Variants in RNF150 observed in about 807,000 individuals in gnomAD.
RNF150 encodes the protein ring finger protein 150.
Under a neutral mutation model 39.3 loss-of-function variants are expected in RNF150, and 24 were observed. The ratio of observed to expected loss-of-function variants is 0.61; its 90% CI spans 0.44 to 0.86. The LOEUF is 0.86. RNF150 is among the 40% of genes least tolerant of loss of function. RNF150 has a pLI of 0.00. For missense variants in RNF150, 502 were observed against 587.8 expected, an observed-to-expected ratio of 0.85 and a Z score of 1.51; for synonymous variants, 255 against 227.3, an observed-to-expected ratio of 1.12 and a Z score of -1.10.
At chr4:141,129,201 A>G (rs1175145337) in intron 1 of RNF150, among the ~76,000 whole-genome samples, 3 of 152,270 alleles carry the variant, frequency 2.0e-5, no homozygotes, top group African/African-American at 7.2e-5. Context: ...TAAAAGGTAG[A>G]AACAACGTAA....
intron 5 of RNF150, among the ~76,000 whole-genome samples, chr4:140,924,023 A>G (rs1314094217): frequency 3.3e-5 from 5 of 152,194 alleles, no homozygotes; most frequent in Non-Finnish European, 5.9e-5. Context: ...CTAATGCTAA[A>G]TGATGAGTTA....
At chr4:140,931,908 T>C (rs1731652643) in intron 4 of RNF150, among the ~76,000 whole-genome samples, 1 of 152,244 alleles carries the variant, frequency 6.6e-6, no homozygotes, top group East Asian at 1.9e-4. Context: ...TCTTGTTTTC[T>C]GCTGTTCTTT....
intron 1 of RNF150, among the ~76,000 whole-genome samples, chr4:141,083,667 C>CA (rs956440693): frequency 6.9e-4 from 100 of 145,828 alleles, no homozygotes; most frequent in African/African-American, 1.2e-3. Context: ...TCCCCAAAGG[C>CA]AAAAAAAAAA....
intron 1 of RNF150, among the ~76,000 whole-genome samples, chr4:141,013,844 T>A (rs1486025422): frequency 1.3e-5 from 2 of 152,306 alleles, no homozygotes; most frequent in African/African-American, 4.8e-5. Flanking sequence ...TGGTGAAACA[T>A]CTGAAACTTA....
intron 1 of RNF150, among the ~76,000 whole-genome samples, chr4:141,051,586 C>T (rs892326127): frequency 1.3e-5 from 2 of 152,202 alleles, no homozygotes; most frequent in Non-Finnish European, 2.9e-5. Flanking sequence ...GCGCAAAATG[C>T]TGCCAGTCTC....
intron 5 of RNF150, among the ~76,000 whole-genome samples, chr4:140,917,388 T>C (rs1298191906): frequency 6.6e-6 from 1 of 152,036 alleles, no homozygotes; most frequent in African/African-American, 2.4e-5. Context: ...GGGGTTGCAA[T>C]CCTAGTCTCT....
intron 1 of RNF150, among the ~76,000 whole-genome samples, chr4:141,013,759 T>TA (rs2110757812): frequency 6.6e-6 from 1 of 152,352 alleles, no homozygotes; most frequent in East Asian, 1.9e-4. Context: ...GAAGTTCTGA[T>TA]AGATGGAGAC....
chr4:141,006,572 C>T (rs73860234), intron 1 of RNF150, among the ~76,000 whole-genome samples: 11,538 of 152,190 alleles, frequency 0.076, 490 homozygotes, highest in Middle Eastern at 0.16. Context: ...AAGCAATAGA[C>T]GCTTGTTTTG....
intron 6 of RNF150, among the ~76,000 whole-genome samples, chr4:140,901,539 A>G (rs1376699560): frequency 6.6e-6 from 1 of 152,220 alleles, no homozygotes; most frequent in Non-Finnish European, 1.5e-5. Flanking sequence ...ATTGCAATAC[A>G]TTCTCCTTTA....
At position 141,009,685 on chromosome 4, in the gene RNF150, A is replaced by G. The variant is rs1735002081; in HGVS notation, c.485-41812T>C. Among the ~76,000 whole-genome samples the G allele has an allele frequency of 3.3e-5, 5 of 152,280 alleles. No homozygotes were observed. In the South Asian group the frequency reaches 1.0e-3, roughly 32 times the overall value. On this transcript the variant is annotated intron_variant, in intron 1 of 6. Coordinates refer to ENST00000515673, the MANE Select transcript of RNF150 (RefSeq NM_020724.2). The stretch of plus-strand genomic sequence containing the variant: ...ACTTAATTCAAATTGCACCTATTCC[A>G]TGTCATTTTTTCCCAGATAAAGGGG...
chr4:141,180,278 G>A (rs544091230), intron 1 of RNF150, among the ~76,000 whole-genome samples: 5 of 152,194 alleles, frequency 3.3e-5, no homozygotes, highest in South Asian at 2.1e-4. Context: ...TTCAGATAGC[G>A]GAAGAAGCAA....
At chr4:141,030,808 G>A (rs1379603012) in intron 1 of RNF150, among the ~76,000 whole-genome samples, 1 of 152,016 alleles carries the variant, frequency 6.6e-6, no homozygotes, top group Admixed American at 6.6e-5. Flanking sequence ...GGATAGGGGA[G>A]AGGAGCAAAT....
At chr4:140,886,220 T>G (rs778328124) in intron 6 of RNF150, among the ~76,000 whole-genome samples, 3 of 149,828 alleles carry the variant, frequency 2.0e-5, no homozygotes, top group Non-Finnish European at 4.4e-5. Context: ...AAGAAAAGTA[T>G]GTACATCTAT....
intron 1 of RNF150, among the ~76,000 whole-genome samples, chr4:141,027,727 G>A (rs1220456960): frequency 6.6e-6 from 1 of 152,088 alleles, no homozygotes; most frequent in East Asian, 1.9e-4. Context: ...TAAGGAAGGG[G>A]AGGCCTATAT....
At chr4:140,983,145 A>G (rs1037850237) in intron 1 of RNF150, among the ~76,000 whole-genome samples, 7 of 152,152 alleles carry the variant, frequency 4.6e-5, no homozygotes, top group African/African-American at 1.7e-4. Context: ...TCAGCACACC[A>G]TTAAGCGGCC....
At chr4:141,005,583 G>A (rs972224739) in intron 1 of RNF150, among the ~76,000 whole-genome samples, 1 of 152,156 alleles carries the variant, frequency 6.6e-6, no homozygotes, top group African/African-American at 2.4e-5. Context: ...TGGTATGAGG[G>A]TCTATGCACT....
intron 5 of RNF150, among the ~76,000 whole-genome samples, chr4:140,924,189 A>T (rs1425447): frequency 0.55 from 83,874 of 152,008 alleles, 23,642 homozygotes; most frequent in East Asian, 0.89. Flanking sequence ...TTCATTGTGC[A>T]AAGTAAAATC....
At chr4:140,930,170 C>G (rs1467357860) in intron 4 of RNF150, among the ~76,000 whole-genome samples, 1 of 152,214 alleles carries the variant, frequency 6.6e-6, no homozygotes, top group African/African-American at 2.4e-5. Flanking sequence ...CAAAACCAAC[C>G]AACCAACCCA....
At chr4:140,876,522 C>T (rs571437975) in intron 6 of RNF150, among the ~76,000 whole-genome samples, 3 of 152,160 alleles carry the variant, frequency 2.0e-5, no homozygotes, top group South Asian at 2.1e-4. Flanking sequence ...GTCTCTGGAC[C>T]GCTTTCCTCA....
Sources: allele counts gnomAD v4.1 joint callset (sites outside exome capture counted in the v4.1 genomes callset), GRCh38; gene constraint gnomAD v4.1.1; transcripts MANE v1.5; gene names NCBI Gene and HGNC (gene_info 2026-07-23, HGNC 2026-07-21).